Variants in MYO10 observed in about 807,000 individuals in gnomAD.
MYO10 encodes unconventional myosin-X.
Under a neutral mutation model 257.3 loss-of-function variants are expected in MYO10, and 133 were observed. The observed-to-expected ratio is 0.52, with a 90% CI of 0.45 to 0.60. The LOEUF is 0.60. MYO10 is among the 20% of genes least tolerant of loss of function. The pLI, the probability that MYO10 is intolerant of heterozygous loss-of-function variation, is 0.00. For missense variants in MYO10, 2,399 were observed against 2,635.7 expected (o/e 0.91, Z 1.97); for synonymous variants, 1,104 against 1,028.6 (o/e 1.07, Z -1.40).
intron 9 of MYO10, among the ~76,000 whole-genome samples, chr5:16,772,225 C>T (rs1011120681): frequency 2.6e-5 from 4 of 151,866 alleles, no homozygotes; most frequent in Admixed American, 6.6e-5. Flanking sequence ...CTCCGCCTTC[C>T]GGGTTCAAGT....
rs530622055 is a variant in MYO10, at chr5:16,792,457, C to T, written c.467+2189G>A. Among the ~76,000 whole-genome samples the T allele has an allele frequency of 2.0e-4, 30 of 152,200 alleles. 1 individual carries two copies. Among genetic ancestry groups the T allele is most frequent in the African/African-American group, 7.2e-4 (30 of 41,560 alleles). On this transcript the variant is annotated intron_variant, in intron 4 of 40. Transcript: ENST00000513610. ...AAACCATGAGCCATTATTTCTTATCCATCCTCAATCAGCTCTCACATGGGA... is the reference window on the plus strand; with the variant it reads ...AAACCATGAGCCATTATTTCTTATCTATCCTCAATCAGCTCTCACATGGGA...
At chr5:16,822,059 C>T (rs1353363382) in intron 2 of MYO10, among the ~76,000 whole-genome samples, 2 of 151,524 alleles carry the variant, frequency 1.3e-5, no homozygotes, top group Non-Finnish European at 2.9e-5. Flanking sequence ...CAGAGGTGGG[C>T]TCCAGTTGGT....
intron 3 of MYO10, among the ~76,000 whole-genome samples, chr5:16,805,377 G>A (rs899817891): frequency 7.0e-6 from 1 of 143,774 alleles, no homozygotes; most frequent in African/African-American, 2.6e-5. Flanking sequence ...CAGGAGAATC[G>A]CTTGAACCCA....
intron 2 of MYO10, among the ~76,000 whole-genome samples, chr5:16,869,191 A>ATTTTT (rs70943814): frequency 3.7e-4 from 43 of 115,856 alleles, no homozygotes; most frequent in African/African-American, 1.3e-3. Flanking sequence ...CACCCGGCTA[A>ATTTTT]TTTTTTTTTT....
chr5:16,759,576 T>G (rs1156604621), intron 17 of MYO10, among the ~76,000 whole-genome samples: 1 of 152,310 alleles, frequency 6.6e-6, no homozygotes, highest in East Asian at 1.9e-4. Flanking sequence ...AACCTGGGGT[T>G]GAGACAGGAA....
chr5:16,715,612 T>G (rs976570926), intron 19 of MYO10, among the ~76,000 whole-genome samples: 3 of 150,818 alleles, frequency 2.0e-5, no homozygotes, highest in Non-Finnish European at 4.4e-5. Context: ...GGGGTTTCTT[T>G]TTGAGGTGAC....
intron 3 of MYO10, among the ~76,000 whole-genome samples, chr5:16,809,888 G>A (rs1333850403): frequency 1.3e-5 from 2 of 152,094 alleles, no homozygotes; most frequent in Admixed American, 6.6e-5. Context: ...AATTGCAGGC[G>A]ACCGCTGAAG....
intron 2 of MYO10, among the ~76,000 whole-genome samples, chr5:16,835,498 T>TGG (rs1561010047): frequency 9.7e-5 from 14 of 144,844 alleles, no homozygotes; most frequent in African/African-American, 3.3e-4. Flanking sequence ...GGCTGTTTTT[T>TGG]TTTTTTTTTT....
chr5:16,814,124 C>A (rs1405506476), intron 3 of MYO10, among the ~76,000 whole-genome samples: 1 of 152,162 alleles, frequency 6.6e-6, no homozygotes, highest in Non-Finnish European at 1.5e-5. Flanking sequence ...GACTTTCAAC[C>A]TACAGAACTG....
At chr5:16,739,893 G>C (rs573104371) in intron 19 of MYO10, among the ~76,000 whole-genome samples, 3 of 152,260 alleles carry the variant, frequency 2.0e-5, no homozygotes, top group South Asian at 2.1e-4. Flanking sequence ...ATATTGAGGA[G>C]GGGTGAACGC....
intron 19 of MYO10, among the ~76,000 whole-genome samples, chr5:16,718,029 T>C (rs1738954055): frequency 6.6e-6 from 1 of 152,114 alleles, no homozygotes. Context: ...GTGGGCTTGG[T>C]GGGCCCCGCA....
intron 30 of MYO10, among the ~76,000 whole-genome samples, chr5:16,683,396 CA>C (rs1293578772): frequency 6.6e-6 from 1 of 152,032 alleles, no homozygotes; most frequent in African/African-American, 2.4e-5. Context: ...CTTCAAAAAT[CA>C]AAACCAAAAA....
In MYO10 at chr5:16,787,699, G is replaced by A. The variant is rs183674679; in HGVS notation, c.468-4230C>T. Among the ~76,000 whole-genome samples, 226 of 151,220 alleles carry A rather than the reference G, an allele frequency of 1.5e-3. 1 individual carries two copies. The highest frequency in any genetic ancestry group is 5.3e-3 in the African/African-American group (219 of 41,174). The stretch of plus-strand genomic sequence containing the variant: ...AAGCACTGATGGGGGGCCACAGGCT[G>A]TATTAAAAATTGTGAGAATTTTTTG... On this transcript the variant is annotated intron_variant, in intron 4 of 40. Transcript: ENST00000513610.
intron 33 of MYO10, among the ~76,000 whole-genome samples, chr5:16,676,424 A>C (rs1205087506): frequency 2.0e-5 from 3 of 152,178 alleles, no homozygotes; most frequent in Non-Finnish European, 4.4e-5. Context: ...ACATTTAAAA[A>C]ATTTCATCTC....
chr5:16,729,984 G>A (rs949046301), intron 19 of MYO10, among the ~76,000 whole-genome samples: 6 of 152,156 alleles, frequency 3.9e-5, no homozygotes, highest in Admixed American at 6.5e-5. Context: ...GAGGGGCACC[G>A]AGGGGAGTCT....
At chr5:16,769,033 G>A in intron 10 of MYO10, 41 bp downstream of exon 10, 1 of 1,560,446 alleles carries the variant, frequency 6.4e-7, no homozygotes, top group Non-Finnish European at 8.6e-7. Flanking sequence ...TTTCCCACGG[G>A]GAACAAAGGG....
rs1736082633 is a variant in MYO10 at position 16,664,504 on chromosome 5, C to T, written c.*2188G>A. ...TTCAGGCAGCACCTGGCTTCAGGTT[C>T]CATCCCAATCCCTGCAGAATGGGAA... On this transcript the variant is annotated 3_prime_UTR_variant, in exon 41 of 41. Coordinates refer to ENST00000513610, the MANE Select transcript of MYO10 (RefSeq NM_012334.3). 2 of 152,232 alleles carry T rather than the reference C, an allele frequency of 1.3e-5. No homozygotes were observed. Among genetic ancestry groups the T allele is most frequent in the African/African-American group, 2.4e-5 (1 of 41,460 alleles). 9.4% of individuals were successfully genotyped at this position (152,232 alleles called of 1,614,324 possible). A position where few individuals can be genotyped will look rare whatever the true frequency, so the allele number is the denominator to read the frequency against.
chr5:16,855,949 T>G (rs1478631857), intron 2 of MYO10, among the ~76,000 whole-genome samples: 1 of 152,190 alleles, frequency 6.6e-6, no homozygotes. Context: ...CCAAAATGAT[T>G]CCCAGAACCA....
At chr5:16,792,869 C>G (rs1034361610) in intron 4 of MYO10, among the ~76,000 whole-genome samples, 1 of 152,148 alleles carries the variant, frequency 6.6e-6, no homozygotes, top group Admixed American at 6.5e-5. Context: ...AGTGTCCCCC[C>G]CTCCCCCGAC....
Sources: gnomAD v4.1 joint callset for allele counts (sites outside exome capture counted in the v4.1 genomes callset) on GRCh38, gnomAD v4.1.1 for gene constraint, MANE v1.5 for transcripts, NCBI Gene and HGNC (gene_info 2026-07-23, HGNC 2026-07-21) for gene names.